The following CHL1 variants were observed in gnomAD, a reference collection of about 807,000 sequenced individuals.
CHL1 encodes neural cell adhesion molecule L1-like protein.
A neutral mutation model predicts 141.9 loss-of-function variants in CHL1; 96 were observed. That is an observed-to-expected ratio of 0.68 (90% confidence interval 0.57 to 0.80). The LOEUF (loss-of-function observed/expected upper bound fraction) is 0.80, where lower values mean the gene tolerates loss of function less well. Ranked by LOEUF, CHL1 falls within the 30% of genes least tolerant of loss-of-function variation. The probability of loss-of-function intolerance (pLI) is 0.00; values close to 1 mark genes in which losing one functional copy is unlikely to be tolerated. For synonymous variants in CHL1, 613 were observed against 502.2 expected (o/e 1.22, Z -2.95); for missense variants, 1,820 against 1,457.2 (o/e 1.25, Z -4.05).
chr3:371,936 C>T lies in CHL1; in HGVS notation c.1751+5821C>T, dbSNP rs148401927. On this transcript the variant is annotated intron_variant, in intron 15 of 27. Coordinates refer to ENST00000256509, the MANE Select transcript of CHL1 (RefSeq NM_006614.4). ...TTTAAGAATATTGAATATTGGCCTC[C>T]ACTCTCTTCTGGCTTGTAGAGTTTC... Among the ~76,000 whole-genome samples, 281 of 152,260 alleles carry T rather than the reference C, an allele frequency of 1.8e-3. 3 individuals carry two copies. Among genetic ancestry groups the T allele is most frequent in the African/African-American group, 6.4e-3 (267 of 41,550 alleles).
At chr3:337,502 G>A (rs931630060) in intron 5 of CHL1, among the ~76,000 whole-genome samples, 1 of 151,826 alleles carries the variant, frequency 6.6e-6, no homozygotes, top group African/African-American at 2.4e-5. Flanking sequence ...GTCTCCCAAT[G>A]CTATCCCTCC....
intron 1 of CHL1, among the ~76,000 whole-genome samples, chr3:221,649 G>C (rs550003863): frequency 6.6e-6 from 1 of 152,284 alleles, no homozygotes; most frequent in South Asian, 2.1e-4. Context: ...GTCATTCAAG[G>C]ACTTATGCAT....
rs533846728 is a variant in CHL1, at chr3:353,572, GACTTGA to G, written c.1034-1056_1034-1051del. Among the ~76,000 whole-genome samples the G allele has an allele frequency of 5.0e-3, 766 of 152,236 alleles. 6 individuals carry two copies. Among genetic ancestry groups the G allele is most frequent in the African/African-American group, 0.018 (740 of 41,540 alleles). ...ATTACAAAGGCACTTATCTCACTTG[GACTTGA>G]ACTTGAACTTGCCAAGGCTAGTTGT... On this transcript the variant is annotated intron_variant, in intron 10 of 27. Coordinates refer to ENST00000256509, the MANE Select transcript of CHL1 (RefSeq NM_006614.4).
intron 2 of CHL1, among the ~76,000 whole-genome samples, chr3:266,555 C>A (rs998548591): frequency 2.0e-5 from 3 of 152,128 alleles, no homozygotes; most frequent in African/African-American, 7.2e-5. Context: ...TCTGTGAAAA[C>A]GTGAAGCTCC....
chr3:226,015 A>T (rs1701307136), intron 1 of CHL1, among the ~76,000 whole-genome samples: 1 of 133,636 alleles, frequency 7.5e-6, no homozygotes, highest in African/African-American at 2.8e-5. Context: ...TCTAAAAAAA[A>T]GAGACACGTT....
intron 1 of CHL1, among the ~76,000 whole-genome samples, chr3:236,304 A>C (rs1691973828): frequency 6.6e-6 from 1 of 152,150 alleles, no homozygotes; most frequent in South Asian, 2.1e-4. Flanking sequence ...ATATTTAGTG[A>C]TGACCTGTTT....
At position 405,732 on chromosome 3, in the gene CHL1, G is replaced by T; in HGVS notation, c.*21G>T. The T allele has an allele frequency of 6.4e-7, 1 of 1,562,686 alleles. No individual in the cohort carries two copies. Among genetic ancestry groups the T allele is most frequent in the South Asian group, 1.1e-5 (1 of 89,998 alleles). On this transcript the variant is annotated 3_prime_UTR_variant, in exon 28 of 28. Transcript: ENST00000256509. ...CATAAACACAACATATGTAAGCAAC[G>T]CTACTGGTTCACCCCAACCTTCCAT...
chr3:297,258 G>T (rs1341039007), intron 2 of CHL1, among the ~76,000 whole-genome samples: 1 of 152,034 alleles, frequency 6.6e-6, no homozygotes, highest in African/African-American at 2.4e-5. Flanking sequence ...AAATATAAGG[G>T]ATAAGTAGAG....
chr3:235,148 C>T (rs1387660606), intron 1 of CHL1, among the ~76,000 whole-genome samples: 2 of 151,920 alleles, frequency 1.3e-5, no homozygotes, highest in Non-Finnish European at 2.9e-5. Flanking sequence ...TGCTATCCCT[C>T]CCCCCTCTTT....
chr3:389,397 A>G lies in CHL1; in HGVS notation c.2393A>G (p.Asp798Gly). The G allele has an allele frequency of 6.2e-7, 1 of 1,614,208 alleles. No homozygotes were observed. Among genetic ancestry groups the G allele is most frequent in the Non-Finnish European group, 8.5e-7 (1 of 1,180,042 alleles). ...VMTPAVYAPYDVKVQAINQLG... is the reference protein window; with the variant it reads ...VMTPAVYAPYGVKVQAINQLG... ...ACGCCTGCTGTCTATGCCCCTTATGATGTCAAGGTCCAGGCTATCAATCAA... is the reference window on the plus strand; with the variant it reads ...ACGCCTGCTGTCTATGCCCCTTATGGTGTCAAGGTCCAGGCTATCAATCAA... Residue 798 changes from aspartate (D) to glycine (G), a missense_variant, in exon 20 of 28, where the codon GAT (aspartate) becomes GGT (glycine). Asp to Gly is a moderately conservative substitution (Grantham distance 94). Coordinates refer to ENST00000256509, the MANE Select transcript of CHL1 (RefSeq NM_006614.4).
At chr3:197,533 C>T (rs959851622) in intron 1 of CHL1, 2 of 243,450 alleles carry the variant, frequency 8.2e-6, no homozygotes, top group Non-Finnish European at 1.7e-5. Flanking sequence ...GCGCCCCTCG[C>T]TCCCCTGGAC....
rs536489952 is a variant in CHL1 at position 242,406 on chromosome 3, C to T, written c.-174-2207C>T. Among the ~76,000 whole-genome samples the T allele has an allele frequency of 2.5e-3, 350 of 140,450 alleles. 3 individuals are homozygous for T. Among genetic ancestry groups the T allele is most frequent in the South Asian group, 0.02 (79 of 4,050 alleles). The allele number at this position is 140,450 out of a possible 152,430, so 92.1% of individuals were successfully genotyped here. On this transcript the variant is annotated intron_variant, in intron 1 of 27. Coordinates refer to ENST00000256509, the MANE Select transcript of CHL1 (RefSeq NM_006614.4). ...GGTCAGGAGATCGAGACCATCCTGG[C>T]TAACACGGTGAAACCCCGTCTCTAC...
rs966894542 is a variant in CHL1 at position 329,089 on chromosome 3, T to C, written c.385+735T>C. Among the ~76,000 whole-genome samples the C allele has an allele frequency of 3.3e-5, 5 of 152,160 alleles. No homozygotes were observed. The East Asian group carries it at 9.6e-4, about 29-fold the overall frequency. On this transcript the variant is annotated intron_variant, in intron 5 of 27. Coordinates refer to ENST00000256509, the MANE Select transcript of CHL1 (RefSeq NM_006614.4). ...GTAATCGTCCCCTGAAGTAGCGTACTTTATTCATAGCTTATTTGCCCTATG... is the reference window on the plus strand; with the variant it reads ...GTAATCGTCCCCTGAAGTAGCGTACCTTATTCATAGCTTATTTGCCCTATG...
chr3:200,495 A>G (rs1041187880), intron 1 of CHL1, among the ~76,000 whole-genome samples: 2 of 152,226 alleles, frequency 1.3e-5, no homozygotes, highest in African/African-American at 4.8e-5. Context: ...TATATTTTCA[A>G]TTATGAACAT....
chr3:213,483 T>C (rs1046365009), intron 1 of CHL1: 1 of 152,222 alleles, frequency 6.6e-6, no homozygotes, highest in African/African-American at 2.4e-5. Context: ...GGCCTGAAGT[T>C]GCTTACTGTT....
At position 356,027 on chromosome 3, in the gene CHL1, C is replaced by G. The variant is rs1446543352; in HGVS notation, c.1165+1256C>G. ...AGAGAATGCTTAGCACGGGGACTGC[C>G]ACAAAAACAGCCCCCCGTAAGGTAT... is the stretch of plus-strand genomic sequence containing the variant. On this transcript the variant is annotated intron_variant, in intron 11 of 27. Coordinates refer to ENST00000256509, the MANE Select transcript of CHL1 (RefSeq NM_006614.4). Among the ~76,000 whole-genome samples, 3 of 152,110 alleles carry G rather than the reference C, an allele frequency of 2.0e-5. No homozygotes were observed. In the South Asian group the frequency reaches 6.2e-4, roughly 32 times the overall value.
chr3:231,892 A>T (rs1185395289), intron 1 of CHL1, among the ~76,000 whole-genome samples: 1 of 151,986 alleles, frequency 6.6e-6, no homozygotes, highest in Non-Finnish European at 1.5e-5. Flanking sequence ...CTTATTTCTT[A>T]ATCTCTGAAT....
intron 3 of CHL1, among the ~76,000 whole-genome samples, chr3:325,448 C>CTGGA (rs1218408102): frequency 1.4e-5 from 2 of 141,384 alleles, no homozygotes; most frequent in Non-Finnish European, 3.1e-5. Context: ...AATAGTTTAC[C>CTGGA]TGGAAAGAAA....
chr3:237,478 G>C (rs979900926), intron 1 of CHL1, among the ~76,000 whole-genome samples: 2 of 152,164 alleles, frequency 1.3e-5, no homozygotes, highest in African/African-American at 4.8e-5. Flanking sequence ...GTTGAATATA[G>C]CTTAAAAATA....
Sources: gnomAD v4.1 joint callset for allele counts (sites outside exome capture counted in the v4.1 genomes callset) on GRCh38, gnomAD v4.1.1 for gene constraint, MANE v1.5 for transcripts, NCBI Gene and HGNC (gene_info 2026-07-23, HGNC 2026-07-21) for gene names.